Variants in VPS53 observed in about 807,000 individuals in gnomAD.
VPS53 encodes vacuolar protein sorting-associated protein 53 homolog.
VPS53 carries 70 observed loss-of-function variants against 107.0 expected under a neutral mutation model. That is an observed-to-expected ratio of 0.65 (90% CI 0.54 to 0.80). The LOEUF is 0.80. Ranked by LOEUF, VPS53 falls within the 30% of genes least tolerant of loss-of-function variation. VPS53 has a pLI of 0.00. For synonymous variants in VPS53, 409 were observed against 393.3 expected, an observed-to-expected ratio of 1.04 and a Z score of -0.47; for missense variants, 917 against 1,049.4, an observed-to-expected ratio of 0.87 and a Z score of 1.74.
chr17:600,483 CTGTT>C (rs529705645), intron 12 of VPS53, among the ~76,000 whole-genome samples: 124 of 152,362 alleles, frequency 8.1e-4, no homozygotes, highest in Non-Finnish European at 1.1e-3. Flanking sequence ...TTACAAGAAA[CTGTT>C]TGTTTTCTTC....
At chr17:648,125 C>T (rs1293481205) in intron 7 of VPS53, among the ~76,000 whole-genome samples, 1 of 152,220 alleles carries the variant, frequency 6.6e-6, no homozygotes, top group East Asian at 1.9e-4. Flanking sequence ...CAGGTTTCTC[C>T]AGGTCTGGCC....
intron 2 of VPS53, among the ~76,000 whole-genome samples, chr17:709,540 C>G (rs1340716843): frequency 6.6e-6 from 1 of 152,224 alleles, no homozygotes; most frequent in Non-Finnish European, 1.5e-5. Flanking sequence ...CACTGTCCCA[C>G]TGTCACTGAC....
intron 13 of VPS53, among the ~76,000 whole-genome samples, chr17:582,725 C>T (rs1004027734): frequency 2.0e-5 from 3 of 150,590 alleles, no homozygotes; most frequent in Non-Finnish European, 4.4e-5. Context: ...AGATAACCTC[C>T]CTCAGAATCT....
chr17:552,165 A>C (rs772566176), intron 16 of VPS53, among the ~76,000 whole-genome samples: 5 of 152,226 alleles, frequency 3.3e-5, no homozygotes, highest in Non-Finnish European at 7.3e-5. Context: ...TCCCACGGTC[A>C]GTCTCCCTAA....
intron 19 of VPS53, among the ~76,000 whole-genome samples, chr17:530,055 G>A (rs1311547201): frequency 6.7e-6 from 1 of 149,962 alleles, no homozygotes; most frequent in African/African-American, 2.5e-5. Context: ...ACTCAAAAAT[G>A]TTCATTTTTA....
intron 4 of VPS53, among the ~76,000 whole-genome samples, chr17:684,499 T>C (rs1326990693): frequency 6.6e-6 from 1 of 152,162 alleles, no homozygotes; most frequent in African/African-American, 2.4e-5. Context: ...TAGCAAACTA[T>C]GAGCAAGATC....
chr17:617,299 C>T (rs1175275110), intron 11 of VPS53, among the ~76,000 whole-genome samples: 1 of 152,174 alleles, frequency 6.6e-6, no homozygotes, highest in Non-Finnish European at 1.5e-5. Context: ...TGGGAAGGTC[C>T]GAGAGGAGAG....
chr17:636,216 T>C (rs965034834), intron 7 of VPS53, among the ~76,000 whole-genome samples: 9 of 152,226 alleles, frequency 5.9e-5, no homozygotes, highest in African/African-American at 2.2e-4. Context: ...GGCTCTCTGT[T>C]TGTCTGTTAT....
At position 519,155 on chromosome 17, in the gene VPS53, G is replaced by A. The variant is rs376440772; in HGVS notation, c.2472C>T (p.Leu824=). ...ACAGTCTCTTTTTAATGAGTTTCTC[G>A]AGCTTGCGGATGCGTGACGACTCTT... ...PEQESSRIRK[L]EKLIKKRL The change falls in exon 22 of 22, where the codon CTC becomes CTT. Residue 824 remains leucine (L), a synonymous_variant. Coordinates refer to ENST00000437048, the MANE Select transcript of VPS53 (RefSeq NM_001128159.3). The surrounding 1 kb of genome is among the most constrained non-coding windows in gnomAD (Gnocchi z 5.0). 306 of 1,539,060 alleles carry A rather than the reference G, an allele frequency of 2.0e-4. 1 individual carries two copies. Among genetic ancestry groups the A allele is most frequent in the Admixed American group, 8.2e-4 (39 of 47,656 alleles).
At chr17:647,255 C>T (rs985681581) in intron 7 of VPS53, among the ~76,000 whole-genome samples, 5 of 152,180 alleles carry the variant, frequency 3.3e-5, no homozygotes, top group African/African-American at 9.6e-5. Flanking sequence ...TTCTGAGATC[C>T]TGCTATGCCT....
intron 11 of VPS53, among the ~76,000 whole-genome samples, chr17:610,753 T>TAAAAAAAAA (rs34089454): frequency 3.1e-4 from 40 of 128,794 alleles, no homozygotes; most frequent in East Asian, 6.9e-4. Flanking sequence ...CCGCCTCTAC[T>TAAAAAAAAA]AAAAAAAAAA....
chr17:559,781 C>G (rs913785577), intron 15 of VPS53, among the ~76,000 whole-genome samples: 2 of 152,214 alleles, frequency 1.3e-5, no homozygotes, highest in African/African-American at 2.4e-5. Flanking sequence ...TCAGGGGAAT[C>G]CCAGACCAAG....
In VPS53 at chr17:611,337, C is replaced by G. The variant is rs181942220; in HGVS notation, c.1117-9441G>C. 1.2e-3 allele frequency among the ~76,000 whole-genome samples: 177 copies of G among 152,256 alleles called. 1 individual carries two copies. The highest frequency in any genetic ancestry group is 4.0e-3 in the African/African-American group (167 of 41,550). ...CTGAATAGACATTTCTTTAAAGAAGCTGTGCAATGTCACTAGTCAATGGGA... is the reference window on the plus strand; with the variant it reads ...CTGAATAGACATTTCTTTAAAGAAGGTGTGCAATGTCACTAGTCAATGGGA... On this transcript the variant is annotated intron_variant, in intron 11 of 21. Transcript: ENST00000437048.
At chr17:652,635 T>C (rs999416697) in intron 7 of VPS53, among the ~76,000 whole-genome samples, 2 of 152,190 alleles carry the variant, frequency 1.3e-5, no homozygotes, top group African/African-American at 4.8e-5. Flanking sequence ...CAATGCATTC[T>C]CCAGTCCCCT....
At chr17:679,193 G>A (rs1972291546) in intron 4 of VPS53, among the ~76,000 whole-genome samples, 1 of 152,076 alleles carries the variant, frequency 6.6e-6, no homozygotes, top group Non-Finnish European at 1.5e-5. Context: ...AGGATTGGGG[G>A]TGTGGGAAAG....
chr17:685,178 G>C (rs893630910), intron 4 of VPS53: 1 of 152,182 alleles, frequency 6.6e-6, no homozygotes, highest in African/African-American at 2.4e-5. Flanking sequence ...TGAGAGCCAG[G>C]AAGGGAAGAC....
Position 519,775 on chromosome 17 carries a change from G to A in VPS53, c.2328+51C>T, listed in dbSNP as rs186175464. 1.9e-5 allele frequency: 25 copies of A among 1,331,702 alleles called. No homozygotes were observed. The highest frequency in any genetic ancestry group is 8.8e-5 in the African/African-American group (6 of 68,306). The allele number at this position is 1,331,702 out of a possible 1,614,324, so 82.5% of individuals were successfully genotyped here. ...ATATCCCAATTCCCGGTTAAGAACC[G>A]CTGAGTGTGAGGGGGATGAGCAGGT... On this transcript the variant is annotated intron_variant, in intron 21 of 21. Transcript: ENST00000437048. This position sits in a 1 kb window ranked among gnomAD's most constrained non-coding sequence, Gnocchi z 5.0.
At chr17:671,824 G>C (rs986165563) in intron 4 of VPS53, among the ~76,000 whole-genome samples, 35 of 151,838 alleles carry the variant, frequency 2.3e-4, no homozygotes, top group African/African-American at 8.2e-4. Flanking sequence ...GAGTAGCTGG[G>C]ATTACAGGCA....
intron 11 of VPS53, among the ~76,000 whole-genome samples, chr17:608,746 G>C (rs1053103862): frequency 6.6e-6 from 1 of 151,654 alleles, no homozygotes; most frequent in Non-Finnish European, 1.5e-5. Context: ...CTCCTGAGTA[G>C]CTAAGAATGC....
Sources: gnomAD v4.1 joint callset for allele counts (sites outside exome capture counted in the v4.1 genomes callset) on GRCh38, gnomAD v4.1.1 for gene constraint, Gnocchi (gnomAD v3.1) non-coding constraint, MANE v1.5 for transcripts, NCBI Gene and HGNC (gene_info 2026-07-23, HGNC 2026-07-21) for gene names.